Variants in IGSF11 observed in about 807,000 individuals in gnomAD.
IGSF11 encodes the protein CXADR like 1.
In IGSF11, 22 loss-of-function variants were observed where a neutral mutation model predicts 41.0. The observed-to-expected ratio is 0.54, with a 90% CI of 0.38 to 0.77. The LOEUF (loss-of-function observed/expected upper bound fraction) is 0.77. Among genes scored for constraint, IGSF11 ranks in the 30% least tolerant of loss-of-function variants. The probability of loss-of-function intolerance (pLI) is 0.00; values close to 1 mark genes in which losing one functional copy is unlikely to be tolerated. For synonymous variants in IGSF11, 219 were observed against 201.3 expected, an observed-to-expected ratio of 1.09 and a Z score of -0.74; for missense variants, 444 against 530.8, an observed-to-expected ratio of 0.84 and a Z score of 1.61.
chr3:118,904,117 A>G (rs1939281983), intron 6 of IGSF11, among the ~76,000 whole-genome samples: 1 of 152,212 alleles, frequency 6.6e-6, no homozygotes, highest in African/African-American at 2.4e-5. Flanking sequence ...ATGAAATCTG[A>G]GACTGAGCCC....
chr3:119,039,401 C>A (rs1941032740), upstream of IGSF11, among the ~76,000 whole-genome samples: 1 of 152,180 alleles, frequency 6.6e-6, no homozygotes, highest in Non-Finnish European at 1.5e-5. Context: ...TGGCCAAGCC[C>A]TTCTCACCTC....
chr3:119,090,560 A>T (rs866107333), intron 1 of IGSF11, among the ~76,000 whole-genome samples: 49 of 152,332 alleles, frequency 3.2e-4, no homozygotes, highest in African/African-American at 9.6e-4. Flanking sequence ...AACAGAATTT[A>T]AAAACTCAGA....
chr3:119,046,981 G>A (rs1488360501), intron 1 of IGSF11, among the ~76,000 whole-genome samples: 4 of 142,530 alleles, frequency 2.8e-5, no homozygotes, highest in Non-Finnish European at 6.2e-5. Context: ...TGCCCTAAAA[G>A]AGCTCCCGAA....
chr3:119,019,601 C>A (rs1939090474), intron 1 of IGSF11, among the ~76,000 whole-genome samples: 1 of 151,864 alleles, frequency 6.6e-6, no homozygotes, highest in Non-Finnish European at 1.5e-5. Flanking sequence ...CTCAAATTAC[C>A]CCCAGCCAGA....
chr3:119,046,334 C>T (rs1941351582), intron 1 of IGSF11, among the ~76,000 whole-genome samples: 2 of 151,854 alleles, frequency 1.3e-5, no homozygotes. Flanking sequence ...GGCTCGAGAA[C>T]TACGTGAAGA....
At chr3:118,925,498 T>C (rs762968984) in intron 4 of IGSF11, among the ~76,000 whole-genome samples, 6 of 152,206 alleles carry the variant, frequency 3.9e-5, no homozygotes, top group Non-Finnish European at 7.3e-5. Flanking sequence ...CTCATTTTAT[T>C]TGACAAAATC....
chr3:119,115,763 T>C (rs963983934), intron 1 of IGSF11, among the ~76,000 whole-genome samples: 1 of 152,220 alleles, frequency 6.6e-6, no homozygotes, highest in Admixed American at 6.5e-5. Context: ...TAATCCCATA[T>C]GTCCAAAAAT....
intron 1 of IGSF11, chr3:118,943,271 G>C (rs1943847094): frequency 6.6e-6 from 1 of 152,158 alleles, no homozygotes; most frequent in South Asian, 2.1e-4. Context: ...TCTCAGATTT[G>C]AATTCAACTT....
At chr3:118,971,858 C>T (rs1273755479) in intron 1 of IGSF11, among the ~76,000 whole-genome samples, 1 of 151,468 alleles carries the variant, frequency 6.6e-6, no homozygotes, top group Non-Finnish European at 1.5e-5. Context: ...AACTTCTGCT[C>T]CAGTGCCTTC....
chr3:119,108,818 A>C (rs1352751845), upstream of IGSF11, among the ~76,000 whole-genome samples: 6 of 144,486 alleles, frequency 4.2e-5, no homozygotes, highest in South Asian at 4.6e-4. Flanking sequence ...AATTTTGTCA[A>C]AGGCTTTTTC....
At chr3:118,990,090 T>G (rs1391606813) in intron 1 of IGSF11, among the ~76,000 whole-genome samples, 6 of 152,284 alleles carry the variant, frequency 3.9e-5, no homozygotes, top group Non-Finnish European at 8.8e-5. Flanking sequence ...TACAAAGAGA[T>G]TCACAGAGAC....
intron 1 of IGSF11, among the ~76,000 whole-genome samples, chr3:119,029,763 T>C (rs917190083): frequency 6.6e-6 from 1 of 152,242 alleles, no homozygotes; most frequent in Non-Finnish European, 1.5e-5. Flanking sequence ...CAATAGACTT[T>C]GGTAAATATT....
intron 1 of IGSF11, among the ~76,000 whole-genome samples, chr3:119,114,378 C>T (rs2077227835): frequency 6.6e-6 from 1 of 152,176 alleles, no homozygotes. Flanking sequence ...GCCTAGGCTG[C>T]TAGAAGTAGC....
intron 1 of IGSF11, among the ~76,000 whole-genome samples, chr3:119,110,846 A>T (rs2077143607): frequency 1.3e-5 from 2 of 151,344 alleles, no homozygotes; most frequent in Non-Finnish European, 2.9e-5. Context: ...TCCTTCACTT[A>T]TGAAGCTTAG....
chr3:119,070,560 T>C (rs952324508), intron 1 of IGSF11, among the ~76,000 whole-genome samples: 1 of 152,258 alleles, frequency 6.6e-6, no homozygotes, highest in Non-Finnish European at 1.5e-5. Context: ...TCTTCTGCTG[T>C]GCAGGTAACA....
intron 4 of IGSF11, among the ~76,000 whole-genome samples, chr3:118,911,284 A>G (rs1423593746): frequency 6.6e-6 from 1 of 152,212 alleles, no homozygotes; most frequent in Non-Finnish European, 1.5e-5. Context: ...ACTCAACTTC[A>G]GTTAGAATAA....
At chr3:119,112,083 T>A (rs988700629) in intron 1 of IGSF11, among the ~76,000 whole-genome samples, 4 of 152,184 alleles carry the variant, frequency 2.6e-5, no homozygotes, top group African/African-American at 9.6e-5. Context: ...CATTCTCAGA[T>A]CTCAAGCTGC....
intron 1 of IGSF11, among the ~76,000 whole-genome samples, chr3:119,126,734 A>T (rs2077409248): frequency 6.6e-6 from 1 of 152,132 alleles, no homozygotes; most frequent in Admixed American, 6.5e-5. Flanking sequence ...CAAATCAGAT[A>T]AGGCCTGAAG....
At position 119,097,687 on chromosome 3, in the gene IGSF11, G is replaced by A. The variant is rs77916890; in HGVS notation, c.49+7457C>T. On this transcript the variant is annotated intron_variant, in intron 1 of 6. Coordinates refer to the IGSF11 transcript ENST00000354673. ...TTCCTCAAACTGTTCAAGAATCCAG[G>A]TGGAAAAGGAGAGTACCTTTATTGA... Among the ~76,000 whole-genome samples, 873 of 152,228 alleles carry A rather than the reference G, an allele frequency of 5.7e-3. 2 individuals are homozygous for A. The highest frequency in any genetic ancestry group is 0.02 in the Middle Eastern group (6 of 294).
Sources: gnomAD v4.1 joint callset for allele counts (sites outside exome capture counted in the v4.1 genomes callset) on GRCh38, gnomAD v4.1.1 for gene constraint, MANE v1.5 for transcripts, NCBI Gene and HGNC (gene_info 2026-07-23, HGNC 2026-07-21) for gene names.